AAK1: variants seen among roughly 807,000 people sequenced by gnomAD.
The protein encoded by AAK1 is AP2-associated protein kinase 1.
Under a neutral mutation model 116.0 loss-of-function variants are expected in AAK1, and 37 were observed. That is an observed-to-expected ratio of 0.32 (90% confidence interval 0.25 to 0.42). AAK1 has a LOEUF of 0.42. AAK1 is among the 10% of genes least tolerant of loss of function. The pLI is 1.00. For missense variants in AAK1, 919 were observed against 1,170.6 expected (o/e 0.79, Z 3.14); for synonymous variants, 458 against 439.9 (o/e 1.04, Z -0.51).
At chr2:69,591,517 C>CTTTTTTTTTT (rs200675453) in intron 2 of AAK1, among the ~76,000 whole-genome samples, 134 of 135,072 alleles carry the variant, frequency 9.9e-4, no homozygotes, top group East Asian at 3.8e-3. Flanking sequence ...TTCTTTTTTT[C>CTTTTTTTTTT]TTTTTCTTTT....
At chr2:69,586,284 T>A (rs1010137091) in intron 2 of AAK1, among the ~76,000 whole-genome samples, 1 of 152,182 alleles carries the variant, frequency 6.6e-6, no homozygotes, top group Non-Finnish European at 1.5e-5. Context: ...TGTGGGCCTA[T>A]GAACCTAAGG....
intron 2 of AAK1, among the ~76,000 whole-genome samples, chr2:69,557,513 G>A (rs1671438380): frequency 6.6e-6 from 1 of 152,024 alleles, no homozygotes; most frequent in Admixed American, 6.5e-5. Flanking sequence ...ATGTTGCCCA[G>A]GCTAGTCTCA....
chr2:69,488,887 T>C (rs1011073032), intron 17 of AAK1, among the ~76,000 whole-genome samples: 7 of 152,074 alleles, frequency 4.6e-5, no homozygotes, highest in African/African-American at 1.4e-4. Context: ...GAAGTTCTCT[T>C]ATGGACAAAA....
chr2:69,470,057 A>G lies in AAK1; in HGVS notation c.*5812T>C. The G allele has an allele frequency of 1.0e-6, 1 of 985,456 alleles. No individual in the cohort carries two copies. Among genetic ancestry groups the G allele is most frequent in the African/African-American group, 1.7e-5 (1 of 57,360 alleles). 61.0% of individuals were successfully genotyped at this position (985,456 alleles called of 1,614,324 possible). Reference sequence around the variant, plus strand: ...CCTGGAAACTCCATCTGATTGACATAGTGAGGGCCATCAGAATGCTCCCTA... The same window carrying G: ...CCTGGAAACTCCATCTGATTGACATGGTGAGGGCCATCAGAATGCTCCCTA... On this transcript the variant is annotated 3_prime_UTR_variant, in exon 22 of 22. Transcript: ENST00000409085.
At chr2:69,638,497 C>T (rs1315655500) in intron 2 of AAK1, among the ~76,000 whole-genome samples, 1 of 152,160 alleles carries the variant, frequency 6.6e-6, no homozygotes, top group Non-Finnish European at 1.5e-5. Flanking sequence ...TTTCAAAAGG[C>T]CCAGGGCCAC....
intron 3 of AAK1, among the ~76,000 whole-genome samples, chr2:69,548,387 C>G (rs1267599946): frequency 6.6e-6 from 1 of 152,082 alleles, no homozygotes; most frequent in Admixed American, 6.5e-5. Flanking sequence ...TATCTGAATC[C>G]CCACTACAGC....
intron 17 of AAK1, among the ~76,000 whole-genome samples, chr2:69,489,506 G>A (rs1414067700): frequency 1.3e-5 from 2 of 150,116 alleles, no homozygotes; most frequent in African/African-American, 4.9e-5. Context: ...ATAAAACCAA[G>A]GGCTTTCTCA....
intron 2 of AAK1, chr2:69,598,500 C>A (rs779414754): frequency 1.8e-5 from 3 of 169,372 alleles, no homozygotes; most frequent in Middle Eastern, 1.1e-3. Flanking sequence ...CCAGAAGACA[C>A]AAACGTTTTC....
At chr2:69,592,946 T>C (rs774661312) in intron 2 of AAK1, among the ~76,000 whole-genome samples, 9 of 152,264 alleles carry the variant, frequency 5.9e-5, no homozygotes, top group Non-Finnish European at 1.2e-4. Context: ...TGCTAGTTTA[T>C]AAGCCTGAAT....
At chr2:69,621,484 A>G (rs1468450271) in intron 2 of AAK1, among the ~76,000 whole-genome samples, 1 of 152,198 alleles carries the variant, frequency 6.6e-6, no homozygotes, top group African/African-American at 2.4e-5. Flanking sequence ...TCCACCAAAA[A>G]AAAAAAGGAG....
intron 2 of AAK1, among the ~76,000 whole-genome samples, chr2:69,586,359 CA>C (rs1280249985): frequency 6.6e-6 from 1 of 152,078 alleles, no homozygotes; most frequent in Non-Finnish European, 1.5e-5. Context: ...ACTTTTGGCA[CA>C]AGGTAACCAT....
chr2:69,544,345 T>C (rs1232516782), intron 4 of AAK1, 91 bp downstream of exon 4: 3 of 922,736 alleles, frequency 3.3e-6, no homozygotes, highest in East Asian at 5.0e-5. Context: ...TATCATAGAG[T>C]GCAGTGCACA....
At chr2:69,476,083 A>G in intron 21 of AAK1, 120 bp from the exon 22 acceptor site, 1 of 1,468,244 alleles carries the variant, frequency 6.8e-7, no homozygotes, top group Non-Finnish European at 9.0e-7. Flanking sequence ...AAAACCAAAA[A>G]AACCAAACCC....
At chr2:69,521,060 T>G in intron 10 of AAK1, 72 bp from the exon 11 acceptor site, 2 of 1,529,952 alleles carry the variant, frequency 1.3e-6, no homozygotes, top group Non-Finnish European at 1.8e-6. Flanking sequence ...GAGGACACAA[T>G]GCTTCCGCTT....
chr2:69,483,229 T>C (rs752228992), intron 17 of AAK1, among the ~76,000 whole-genome samples: 1 of 152,202 alleles, frequency 6.6e-6, no homozygotes, highest in Non-Finnish European at 1.5e-5. Context: ...AGTCAGTGCC[T>C]TCCTCTCACC....
chr2:69,485,317 A>T (rs1675250964), intron 17 of AAK1, among the ~76,000 whole-genome samples: 1 of 152,212 alleles, frequency 6.6e-6, no homozygotes, highest in Non-Finnish European at 1.5e-5. Context: ...TCAGATTCTG[A>T]ATTCTAGCCT....
At chr2:69,536,907 G>A (rs1438895817) in intron 5 of AAK1, among the ~76,000 whole-genome samples, 1 of 152,216 alleles carries the variant, frequency 6.6e-6, no homozygotes, top group African/African-American at 2.4e-5. Flanking sequence ...TACTTCATGA[G>A]ATCAAAATCT....
intron 2 of AAK1, among the ~76,000 whole-genome samples, chr2:69,625,207 T>G (rs1454608254): frequency 1.3e-5 from 2 of 152,200 alleles, no homozygotes; most frequent in African/African-American, 2.4e-5. Context: ...CTAACAAGCT[T>G]AGTCATCCAG....
chr2:69,482,387 T>G, intron 18 of AAK1: 1 of 541,326 alleles, frequency 1.8e-6, no homozygotes. Flanking sequence ...TCTGCTAAAT[T>G]TCATTAAGTT....
Sources: allele counts gnomAD v4.1 joint callset (sites outside exome capture counted in the v4.1 genomes callset), GRCh38; gene constraint gnomAD v4.1.1; transcripts MANE v1.5; gene names NCBI Gene and HGNC (gene_info 2026-07-23, HGNC 2026-07-21).